BNC2: variants seen among roughly 807,000 people sequenced by gnomAD.
BNC2 encodes basonuclin zinc finger protein 2.
BNC2 carries 20 observed loss-of-function variants against 76.3 expected under a neutral mutation model. The observed-to-expected ratio is 0.26, with a 90% CI of 0.18 to 0.38. The LOEUF is 0.38. Ranked by LOEUF, BNC2 falls within the 10% of genes least tolerant of loss-of-function variation. BNC2 has a pLI of 1.00. For missense variants in BNC2, 1,382 were observed against 1,399.8 expected (o/e 0.99, Z 0.20); for synonymous variants, 582 against 514.8 (o/e 1.13, Z -1.77).
chr9:16,501,483 G>C (rs1329003334), intron 5 of BNC2, among the ~76,000 whole-genome samples: 1 of 152,196 alleles, frequency 6.6e-6, no homozygotes, highest in African/African-American at 2.4e-5. Context: ...TGGATGGATA[G>C]ATGGCTGGGT....
rs540030866 is a variant in BNC2, at chr9:16,828,982, G to A, written c.3+41664C>T. ...GGGGCGCGGGGGAGAGGCCGCATGTGTGAGCAGGGGGGCGGCGGGGTGGGC... is the reference window on the plus strand; with the variant it reads ...GGGGCGCGGGGGAGAGGCCGCATGTATGAGCAGGGGGGCGGCGGGGTGGGC... On this transcript the variant is annotated intron_variant, in intron 1 of 6. Coordinates refer to ENST00000380672, the MANE Select transcript of BNC2 (RefSeq NM_017637.6). Among the ~76,000 whole-genome samples the A allele has an allele frequency of 6.6e-5, 10 of 152,020 alleles. No individual in the cohort carries two copies. The East Asian group carries it at 1.6e-3, about 24-fold the overall frequency.
chr9:16,714,251 A>G (rs372403693), intron 3 of BNC2, among the ~76,000 whole-genome samples: 6 of 150,832 alleles, frequency 4.0e-5, no homozygotes, highest in African/African-American at 9.6e-5. Flanking sequence ...CAATAAAACT[A>G]TCTAGCAAAC....
At chr9:16,521,570 C>T (rs1031216160) in intron 5 of BNC2, among the ~76,000 whole-genome samples, 2 of 152,172 alleles carry the variant, frequency 1.3e-5, no homozygotes, top group African/African-American at 4.8e-5. Flanking sequence ...GAGTAATGTA[C>T]TCTTCTGAGG....
intron 3 of BNC2, among the ~76,000 whole-genome samples, chr9:16,618,482 T>C (rs545841501): frequency 6.6e-6 from 1 of 152,170 alleles, no homozygotes; most frequent in African/African-American, 2.4e-5. Flanking sequence ...TCAAACATCA[T>C]GTTCAGAGCT....
chr9:16,760,638 G>A (rs746619127), intron 1 of BNC2, among the ~76,000 whole-genome samples: 1 of 152,144 alleles, frequency 6.6e-6, no homozygotes, highest in African/African-American at 2.4e-5. Flanking sequence ...ACCTCCACTG[G>A]TTCTAAGGCA....
chr9:16,510,879 G>A (rs960107443), intron 5 of BNC2, among the ~76,000 whole-genome samples: 9 of 152,230 alleles, frequency 5.9e-5, no homozygotes, highest in East Asian at 3.9e-4. Flanking sequence ...TAATGATTGC[G>A]AGATTTTACA....
At chr9:16,663,357 T>A (rs996026492) in intron 3 of BNC2, among the ~76,000 whole-genome samples, 1 of 152,040 alleles carries the variant, frequency 6.6e-6, no homozygotes, top group Admixed American at 6.5e-5. Context: ...CTCAAACTCC[T>A]AACCTCATGA....
chr9:16,789,983 A>G (rs1210979400), intron 1 of BNC2, among the ~76,000 whole-genome samples: 1 of 152,170 alleles, frequency 6.6e-6, no homozygotes, highest in Non-Finnish European at 1.5e-5. Flanking sequence ...AAAAGTGATC[A>G]TGCGCGCTGA....
chr9:16,512,686 G>A (rs1822785512), intron 5 of BNC2, among the ~76,000 whole-genome samples: 2 of 152,032 alleles, frequency 1.3e-5, no homozygotes, highest in Non-Finnish European at 2.9e-5. Flanking sequence ...GTTTTAAGGG[G>A]TTTCTATAAA....
intron 3 of BNC2, among the ~76,000 whole-genome samples, chr9:16,606,504 G>C (rs533275767): frequency 6.6e-6 from 1 of 151,974 alleles, no homozygotes; most frequent in East Asian, 1.9e-4. Context: ...TCTTGACAGT[G>C]AATGGGTCTC....
intron 3 of BNC2, among the ~76,000 whole-genome samples, chr9:16,705,422 C>T (rs1042036622): frequency 6.6e-6 from 1 of 152,164 alleles, no homozygotes; most frequent in African/African-American, 2.4e-5. Context: ...TATCCAGCAA[C>T]ACCCTGCTCT....
At chr9:16,667,443 T>C (rs566889937) in intron 3 of BNC2, among the ~76,000 whole-genome samples, 1 of 152,286 alleles carries the variant, frequency 6.6e-6, no homozygotes, top group Admixed American at 6.5e-5. Flanking sequence ...TGTAGTTAAT[T>C]GAAAATTAAC....
intron 1 of BNC2, among the ~76,000 whole-genome samples, chr9:16,785,145 G>A (rs1343375258): frequency 6.6e-6 from 1 of 152,206 alleles, no homozygotes; most frequent in African/African-American, 2.4e-5. Flanking sequence ...CACCTGTGCT[G>A]AACCCAACTA....
chr9:16,474,019 C>G (rs193172951), intron 5 of BNC2, among the ~76,000 whole-genome samples: 52 of 152,314 alleles, frequency 3.4e-4, no homozygotes, highest in African/African-American at 1.2e-3. Context: ...ACTTTTCAAG[C>G]TGTGTGATGT....
At chr9:16,523,929 C>G (rs1365898034) in intron 5 of BNC2, among the ~76,000 whole-genome samples, 1 of 152,152 alleles carries the variant, frequency 6.6e-6, no homozygotes, top group Non-Finnish European at 1.5e-5. Context: ...TACTGCACTC[C>G]AGCCTGGACA....
intron 1 of BNC2, among the ~76,000 whole-genome samples, chr9:16,812,169 G>A (rs1395306309): frequency 6.6e-6 from 1 of 152,218 alleles, no homozygotes; most frequent in Non-Finnish European, 1.5e-5. Flanking sequence ...CAGATCCTCA[G>A]TCTCTGGGTT....
At chr9:16,551,220 T>G in intron 5 of BNC2, among the ~76,000 whole-genome samples, 1 of 152,352 alleles carries the variant, frequency 6.6e-6, no homozygotes. Context: ...TCTTCCCAGT[T>G]GAGATTCTCA....
intron 5 of BNC2, among the ~76,000 whole-genome samples, chr9:16,451,277 A>G (rs1363691713): frequency 2.0e-5 from 3 of 152,164 alleles, no homozygotes; most frequent in Admixed American, 6.6e-5. Context: ...GGAAGGATCA[A>G]TATAAATGCC....
chr9:16,498,244 TATATATATATTCCATC>T lies in BNC2; in HGVS notation c.669+54270_669+54285del, dbSNP rs1006656943. Among the ~76,000 whole-genome samples, 25 of 104,408 alleles carry T rather than the reference TATATATATATTCCATC, an allele frequency of 2.4e-4. 1 individual carries two copies. Among genetic ancestry groups the T allele is most frequent in the South Asian group, 6.9e-4 (2 of 2,888 alleles). The allele number at this position is 104,408 out of a possible 152,430, so 68.5% of individuals were successfully genotyped here. ...CATCATATATATATATTCCATCATA[TATATATATATTCCATC>T]ATATATATATTCCATCATATATATA... On this transcript the variant is annotated intron_variant, in intron 5 of 6. Transcript: ENST00000380672.
Sources: gnomAD v4.1 joint callset for allele counts (sites outside exome capture counted in the v4.1 genomes callset) on GRCh38, gnomAD v4.1.1 for gene constraint, MANE v1.5 for transcripts, NCBI Gene and HGNC (gene_info 2026-07-23, HGNC 2026-07-21) for gene names.